TLN2: variants seen among roughly 807,000 people sequenced by gnomAD.
TLN2 encodes talin-2.
A neutral mutation model predicts 294.7 loss-of-function variants in TLN2; 118 were observed. The observed-to-expected ratio is 0.40, with a 90% CI of 0.34 to 0.47. TLN2 has a LOEUF of 0.47. Among genes scored for constraint, TLN2 ranks in the 20% least tolerant of loss-of-function variants. The probability of loss-of-function intolerance (pLI) is 0.84; values close to 1 mark genes in which losing one functional copy is unlikely to be tolerated. For missense variants in TLN2, 3,083 were observed against 3,282.2 expected (o/e 0.94, Z 1.48); for synonymous variants, 1,431 against 1,304.5 (o/e 1.10, Z -2.09).
intron 4 of TLN2, 78 bp downstream of exon 4, chr15:62,647,524 C>G (rs371712298): frequency 6.3e-7 from 1 of 1,591,720 alleles, no homozygotes; most frequent in East Asian, 2.2e-5. Flanking sequence ...GACAGAGGCT[C>G]CAAGTGGTAC....
chr15:62,408,307 GT>G (rs1219606909), intron 1 of TLN2, among the ~76,000 whole-genome samples: 18 of 152,178 alleles, frequency 1.2e-4, no homozygotes, highest in African/African-American at 4.3e-4. Flanking sequence ...ACTAAAGTGT[GT>G]TCGAGCATGC....
In TLN2 at chr15:62,841,966, CCTCTCTCTCTCT is replaced by C. The variant is rs60493917; in HGVS notation, c.*1367_*1378del. 3 of 149,478 alleles carry C rather than the reference CCTCTCTCTCTCT, an allele frequency of 2.0e-5. No individual in the cohort carries two copies. Among genetic ancestry groups the C allele is most frequent in the East Asian group, 4.0e-4 (2 of 5,048 alleles). 9.3% of individuals were successfully genotyped at this position (149,478 alleles called of 1,614,324 possible). A position where few individuals can be genotyped will look rare whatever the true frequency, so the allele number is the denominator to read the frequency against. ...AACAGTTAAAGGCACTCACCCTCCG[CCTCTCTCTCTCT>C]CTCTCTCTCTGGTGTGCTATCATGT... On this transcript the variant is annotated 3_prime_UTR_variant, in exon 59 of 59. Coordinates refer to ENST00000636159, the MANE Select transcript of TLN2 (RefSeq NM_015059.3).
intron 1 of TLN2, among the ~76,000 whole-genome samples, chr15:62,542,435 C>T (rs1386939004): frequency 6.6e-6 from 1 of 152,202 alleles, no homozygotes; most frequent in Non-Finnish European, 1.5e-5. Context: ...CTTGATCCAC[C>T]TGCCTTGGCC....
At chr15:62,715,693 A>G (rs147790301) in intron 22 of TLN2, among the ~76,000 whole-genome samples, 1,904 of 152,288 alleles carry the variant, frequency 0.013, 34 homozygotes, top group African/African-American at 0.043. Context: ...GGTGGACGGC[A>G]TTACATTTCT....
At chr15:62,664,856 T>TTAAAAAAAAAAA (rs1567297697) in intron 9 of TLN2, among the ~76,000 whole-genome samples, 1 of 1,316 alleles carries the variant, frequency 7.6e-4, no homozygotes, top group African/African-American at 1.1e-3. Context: ...GGAAACTGTC[T>TTAAAAAAAAAAA]CAAAAAAAAA....
chr15:62,457,124 T>C (rs1031877550), intron 1 of TLN2, among the ~76,000 whole-genome samples: 1 of 152,170 alleles, frequency 6.6e-6, no homozygotes, highest in South Asian at 2.1e-4. Flanking sequence ...GCTTAAACAA[T>C]AGAAATTTTT....
intron 1 of TLN2, among the ~76,000 whole-genome samples, chr15:62,559,796 C>T (rs1328227429): frequency 1.3e-5 from 2 of 152,210 alleles, no homozygotes; most frequent in African/African-American, 2.4e-5. Context: ...TGGGCTCCCA[C>T]GTACCTGGTC....
At chr15:62,811,269 C>T (rs917712030) in intron 52 of TLN2, among the ~76,000 whole-genome samples, 1 of 152,134 alleles carries the variant, frequency 6.6e-6, no homozygotes, top group African/African-American at 2.4e-5. Flanking sequence ...ATTGAGCTCC[C>T]AAAGTCTGAA....
chr15:62,796,638 A>T (rs2141131469), intron 47 of TLN2, among the ~76,000 whole-genome samples: 2 of 152,034 alleles, frequency 1.3e-5, no homozygotes, highest in African/African-American at 4.8e-5. Context: ...TTTCGCTTAA[A>T]CCCTGTTTTG....
intron 2 of TLN2, among the ~76,000 whole-genome samples, chr15:62,618,044 C>T (rs1298563255): frequency 1.3e-5 from 2 of 151,798 alleles, no homozygotes; most frequent in African/African-American, 4.8e-5. Flanking sequence ...AATGATCCTC[C>T]CGCCTTGGCC....
chr15:62,810,448 G>A (rs1596079230), intron 52 of TLN2, among the ~76,000 whole-genome samples: 1 of 152,150 alleles, frequency 6.6e-6, no homozygotes, highest in East Asian at 1.9e-4. Flanking sequence ...TGGCAAGTGA[G>A]GGAGGCTGCC....
At chr15:62,583,755 T>C (rs2045346337) in intron 1 of TLN2, among the ~76,000 whole-genome samples, 1 of 152,228 alleles carries the variant, frequency 6.6e-6, no homozygotes, top group African/African-American at 2.4e-5. Flanking sequence ...GATATGGCTT[T>C]GTACCAAGTA....
chr15:62,748,507 G>C lies in TLN2; in HGVS notation c.4119+63G>C, dbSNP rs143568579. On this transcript the variant is annotated intron_variant, in intron 33 of 58. Coordinates refer to ENST00000636159, the MANE Select transcript of TLN2 (RefSeq NM_015059.3). ...GGAGTGTCTGTGTCTGTGTGTCTGT[G>C]TGTCTGTCTGTCTATGTCTGTGTCT... 2.2e-4 allele frequency: 275 copies of C among 1,276,872 alleles called. No homozygotes were observed. In the African/African-American group the frequency reaches 2.9e-3, roughly 14 times the overall value. 79.1% of individuals were successfully genotyped at this position (1,276,872 alleles called of 1,614,324 possible). A position where few individuals can be genotyped will look rare whatever the true frequency, so the allele number is the denominator to read the frequency against.
chr15:62,590,746 G>T (rs1451434254), intron 2 of TLN2, among the ~76,000 whole-genome samples: 1 of 152,064 alleles, frequency 6.6e-6, no homozygotes, highest in Non-Finnish European at 1.5e-5. Flanking sequence ...AAGCATCCTG[G>T]GCAGAGACAC....
intron 1 of TLN2, among the ~76,000 whole-genome samples, chr15:62,493,831 G>C (rs897887797): frequency 2.6e-5 from 4 of 152,036 alleles, no homozygotes; most frequent in African/African-American, 9.7e-5. Flanking sequence ...GGCTGGTCTC[G>C]ATCTCCTGAC....
chr15:62,697,271 C>T (rs979271859), intron 14 of TLN2, among the ~76,000 whole-genome samples: 4 of 152,000 alleles, frequency 2.6e-5, no homozygotes, highest in Admixed American at 1.3e-4. Context: ...CCACTCGGGA[C>T]TGAGTTGTTG....
intron 1 of TLN2, among the ~76,000 whole-genome samples, chr15:62,538,234 C>T (rs2041474250): frequency 6.6e-6 from 1 of 152,054 alleles, no homozygotes; most frequent in Admixed American, 6.6e-5. Flanking sequence ...CACACACACA[C>T]ACACACAAAA....
At chr15:62,614,711 C>T (rs1438428478) in intron 2 of TLN2, among the ~76,000 whole-genome samples, 1 of 152,166 alleles carries the variant, frequency 6.6e-6, no homozygotes, top group Non-Finnish European at 1.5e-5. Flanking sequence ...AAAACATAGG[C>T]ATTTACGTTT....
At chr15:62,582,195 T>TACAC (rs67748452) in intron 1 of TLN2, among the ~76,000 whole-genome samples, 2,318 of 66,386 alleles carry the variant, frequency 0.035, 106 homozygotes, top group East Asian at 0.078. Context: ...TGTGTATGCA[T>TACAC]ACACACACAC....
Sources: allele counts gnomAD v4.1 joint callset (sites outside exome capture counted in the v4.1 genomes callset), GRCh38; gene constraint gnomAD v4.1.1; transcripts MANE v1.5; gene names NCBI Gene and HGNC (gene_info 2026-07-23, HGNC 2026-07-21).